Variants in CDH19 observed in about 807,000 individuals in gnomAD.
CDH19 encodes cadherin-19.
CDH19 carries 67 observed loss-of-function variants against 64.2 expected under a neutral mutation model. That is an observed-to-expected ratio of 1.04 (90% CI 0.86 to 1.28). The LOEUF (loss-of-function observed/expected upper bound fraction) is 1.28. CDH19 is among the 50% of genes most tolerant of loss of function. The pLI, the probability that CDH19 is intolerant of heterozygous loss-of-function variation, is 0.00. For synonymous variants in CDH19, 346 were observed against 319.3 expected (o/e 1.08, Z -0.89); for missense variants, 1,030 against 929.0 (o/e 1.11, Z -1.41).
chr18:66,583,857 T>C (rs113844827), intron 1 of CDH19, among the ~76,000 whole-genome samples: 2,578 of 152,106 alleles, frequency 0.017, 34 homozygotes, highest in Non-Finnish European at 0.026. Flanking sequence ...CAATTCAAAA[T>C]GGATTAAAGA....
Position 66,572,069 on chromosome 18 carries a change from C to G in CDH19, c.136G>C (p.Val46Leu). The change falls in exon 2 of 12, where the codon GTG becomes CTG. Residue 46 changes from valine to leucine, a missense_variant. By Grantham distance (32) the Val-to-Leu change is conservative. Coordinates refer to ENST00000262150, the MANE Select transcript of CDH19 (RefSeq NM_021153.4). ...TCTGGTACAAAAAATTGGTTCCACA[C>G]CCAGCCACGCTTCACTCTCAAATGA... is the stretch of plus-strand genomic sequence containing the variant. Reference protein sequence around the residue: ...RSHLRVKRGWVWNQFFVPEEM... With the variant: ...RSHLRVKRGWLWNQFFVPEEM... The G allele has an allele frequency of 6.2e-7, 1 of 1,611,448 alleles. No homozygotes were observed. Among genetic ancestry groups the G allele is most frequent in the Non-Finnish European group, 8.5e-7 (1 of 1,178,352 alleles).
At chr18:66,575,167 A>T (rs1988229326) in intron 1 of CDH19, among the ~76,000 whole-genome samples, 1 of 151,844 alleles carries the variant, frequency 6.6e-6, no homozygotes, top group African/African-American at 2.4e-5. Context: ...CCTGTGGATC[A>T]TTTCATTATA....
chr18:66,596,747 A>G (rs1599046664), intron 1 of CDH19, among the ~76,000 whole-genome samples: 1 of 152,064 alleles, frequency 6.6e-6, no homozygotes, highest in African/African-American at 2.4e-5. Flanking sequence ...TTTCAATGCT[A>G]TTTTTATCAA....
intron 1 of CDH19, among the ~76,000 whole-genome samples, chr18:66,582,310 T>C (rs1988446736): frequency 6.6e-6 from 1 of 151,922 alleles, no homozygotes; most frequent in Non-Finnish European, 1.5e-5. Context: ...CTGGGAAATG[T>C]GGATGGGATA....
intron 11 of CDH19, among the ~76,000 whole-genome samples, chr18:66,506,293 A>G (rs1364227886): frequency 6.6e-6 from 1 of 151,972 alleles, no homozygotes; most frequent in Non-Finnish European, 1.5e-5. Flanking sequence ...TTATTTCAAA[A>G]TAGGTAGAAG....
chr18:66,524,311 T>G (rs528211262), intron 9 of CDH19, among the ~76,000 whole-genome samples: 1 of 151,808 alleles, frequency 6.6e-6, no homozygotes, highest in Non-Finnish European at 1.5e-5. Flanking sequence ...TTTTAAAGAG[T>G]AGTGTGGACA....
At chr18:66,510,084 C>T (rs1985398358) in intron 10 of CDH19, among the ~76,000 whole-genome samples, 1 of 151,720 alleles carries the variant, frequency 6.6e-6, no homozygotes, top group Non-Finnish European at 1.5e-5. Context: ...ACTGTATTTT[C>T]CCTTTACTTC....
At chr18:66,536,913 G>C (rs1347451311) in intron 7 of CDH19, among the ~76,000 whole-genome samples, 2 of 151,588 alleles carry the variant, frequency 1.3e-5, no homozygotes, top group African/African-American at 4.8e-5. Flanking sequence ...GTAAACAGCT[G>C]ACTTATTTAG....
At chr18:66,538,274 C>A (rs1331810949) in intron 7 of CDH19, among the ~76,000 whole-genome samples, 4 of 152,042 alleles carry the variant, frequency 2.6e-5, no homozygotes, top group African/African-American at 7.2e-5. Context: ...TAATAAAGTA[C>A]ATTTGCAATA....
chr18:66,601,504 C>A (rs1568217578), intron 1 of CDH19, among the ~76,000 whole-genome samples: 2 of 152,020 alleles, frequency 1.3e-5, no homozygotes, highest in South Asian at 4.1e-4. Context: ...TGTTGAGAAA[C>A]CACTGTCCTA....
At chr18:66,577,336 C>T (rs1460078943) in intron 1 of CDH19, among the ~76,000 whole-genome samples, 1 of 151,816 alleles carries the variant, frequency 6.6e-6, no homozygotes, top group Admixed American at 6.6e-5. Flanking sequence ...CTGACTTTAA[C>T]ACATAATGCT....
At chr18:66,548,556 A>T (rs1297113075) in intron 5 of CDH19, among the ~76,000 whole-genome samples, 2 of 152,232 alleles carry the variant, frequency 1.3e-5, no homozygotes, top group African/African-American at 4.8e-5. Flanking sequence ...ATGAGAATGG[A>T]GCATTAAGGT....
Position 66,504,712 on chromosome 18 carries a change from G to A in CDH19, c.*100C>T. 1.6e-6 allele frequency: 2 copies of A among 1,259,902 alleles called. No individual in the cohort carries two copies. The highest frequency in any genetic ancestry group is 1.1e-6 in the Non-Finnish European group (1 of 915,818). The allele number at this position is 1,259,902 out of a possible 1,614,324, so 78.0% of individuals were successfully genotyped here. On this transcript the variant is annotated 3_prime_UTR_variant, in exon 12 of 12. Transcript: ENST00000262150. Reference sequence around the variant, plus strand: ...GGAAATCAGAAAACTCCATAGACTAGGGCTTTCCCCGCCATAGAGCCAGGG... The same window carrying A: ...GGAAATCAGAAAACTCCATAGACTAAGGCTTTCCCCGCCATAGAGCCAGGG...
chr18:66,553,412 G>A (rs1256921259), intron 4 of CDH19, among the ~76,000 whole-genome samples: 1 of 133,780 alleles, frequency 7.5e-6, no homozygotes, highest in Non-Finnish European at 1.5e-5. Flanking sequence ...GTACATTCCT[G>A]AGAGAATTAA....
At chr18:66,588,614 C>CTATCTATATA (rs1555692697) in intron 1 of CDH19, among the ~76,000 whole-genome samples, 26 of 113,728 alleles carry the variant, frequency 2.3e-4, no homozygotes, top group African/African-American at 6.8e-4. Context: ...TCATATATAT[C>CTATCTATATA]TATATCTATA....
In CDH19 at chr18:66,603,664, T is replaced by G. The variant is rs150640196; in HGVS notation, c.-113+290A>C. ...GTTGATTCATTTATTCTAAGAAACTTGAGAAGTTTTAAATATCCTAACATA... is the reference window on the plus strand; with the variant it reads ...GTTGATTCATTTATTCTAAGAAACTGGAGAAGTTTTAAATATCCTAACATA... On this transcript the variant is annotated intron_variant, in intron 1 of 11. Transcript: ENST00000262150. Among the ~76,000 whole-genome samples, 635 of 152,158 alleles carry G rather than the reference T, an allele frequency of 4.2e-3. 4 individuals carry two copies. The highest frequency in any genetic ancestry group is 0.015 in the African/African-American group (607 of 41,556).
At chr18:66,542,073 T>C (rs1986908627) in intron 7 of CDH19, among the ~76,000 whole-genome samples, 1 of 152,168 alleles carries the variant, frequency 6.6e-6, no homozygotes, top group Non-Finnish European at 1.5e-5. Context: ...TGATAACATA[T>C]GAATATCTTA....
intron 7 of CDH19, among the ~76,000 whole-genome samples, chr18:66,536,779 A>G (rs1986690201): frequency 6.6e-6 from 1 of 151,718 alleles, no homozygotes; most frequent in East Asian, 1.9e-4. Context: ...CTCCACCTTC[A>G]CTGGACAAAA....
At chr18:66,542,407 G>A (rs1405334005) in intron 7 of CDH19, among the ~76,000 whole-genome samples, 3 of 152,066 alleles carry the variant, frequency 2.0e-5, no homozygotes, top group Non-Finnish European at 4.4e-5. Context: ...AGGTGAGTAA[G>A]GAAAGGTGTT....
Sources: gnomAD v4.1 joint callset for allele counts (sites outside exome capture counted in the v4.1 genomes callset) on GRCh38, gnomAD v4.1.1 for gene constraint, MANE v1.5 for transcripts, NCBI Gene and HGNC (gene_info 2026-07-23, HGNC 2026-07-21) for gene names.